HPSE2: variants seen among roughly 807,000 people sequenced by gnomAD.
HPSE2 encodes the protein heparanase 2 (inactive).
Under a neutral mutation model 60.5 loss-of-function variants are expected in HPSE2, and 38 were observed. The ratio of observed to expected loss-of-function variants is 0.63; its 90% confidence interval spans 0.48 to 0.82. HPSE2 has a LOEUF of 0.82. Among genes scored for constraint, HPSE2 ranks in the 40% least tolerant of loss-of-function variants. The pLI, the probability that HPSE2 is intolerant of heterozygous loss-of-function variation, is 0.00. For synonymous variants in HPSE2, 295 were observed against 293.2 expected, an observed-to-expected ratio of 1.01 and a Z score of -0.06; for missense variants, 713 against 740.4, an observed-to-expected ratio of 0.96 and a Z score of 0.43.
chr10:98,744,076 G>A lies in HPSE2; in HGVS notation c.611-20C>T. On this transcript the variant is annotated intron_variant, in intron 3 of 11. Coordinates refer to ENST00000370552, the MANE Select transcript of HPSE2 (RefSeq NM_021828.5). Reference sequence around the variant, plus strand: ...ACCTGGCTGGGAAGAAGCAGAGAAAGGCTTGTAACTTTCAAATCAACATTC... The same window carrying A: ...ACCTGGCTGGGAAGAAGCAGAGAAAAGCTTGTAACTTTCAAATCAACATTC... The A allele has an allele frequency of 6.2e-7, 1 of 1,611,130 alleles. No homozygotes were observed. Among genetic ancestry groups the A allele is most frequent in the Non-Finnish European group, 8.5e-7 (1 of 1,178,158 alleles).
rs530223758 is a variant in HPSE2, at chr10:98,682,131, A to T, written c.1004+11769T>A. On this transcript the variant is annotated intron_variant, in intron 6 of 11. Coordinates refer to ENST00000370552, the MANE Select transcript of HPSE2 (RefSeq NM_021828.5). Reference sequence around the variant, plus strand: ...GCGGATTTCTCATGAATGGTTTAGCACCATCTCCTTGGTGCTATCCTTGTG... The same window carrying T: ...GCGGATTTCTCATGAATGGTTTAGCTCCATCTCCTTGGTGCTATCCTTGTG... 5.3e-5 allele frequency among the ~76,000 whole-genome samples: 8 copies of T among 152,238 alleles called. No individual in the cohort carries two copies. The East Asian group carries it at 1.5e-3, about 29-fold the overall frequency.
chr10:98,835,470 T>A (rs1016142877), intron 3 of HPSE2, among the ~76,000 whole-genome samples: 7 of 152,166 alleles, frequency 4.6e-5, no homozygotes, highest in Admixed American at 1.3e-4. Context: ...CTGTCATGGT[T>A]ACTTTGGAGG....
At chr10:98,539,764 C>A (rs926464356) in intron 9 of HPSE2, among the ~76,000 whole-genome samples, 1 of 152,234 alleles carries the variant, frequency 6.6e-6, no homozygotes, top group Middle Eastern at 3.4e-3. Flanking sequence ...TTCTCACACC[C>A]CTCTGCCTCT....
chr10:98,576,603 C>T (rs895047824), intron 9 of HPSE2, among the ~76,000 whole-genome samples: 6 of 152,036 alleles, frequency 3.9e-5, no homozygotes, highest in Admixed American at 6.6e-5. Context: ...GGCACCTCCA[C>T]ATCTCTCACT....
chr10:98,991,955 C>G (rs1296050007), intron 3 of HPSE2, among the ~76,000 whole-genome samples: 2 of 152,160 alleles, frequency 1.3e-5, no homozygotes, highest in Non-Finnish European at 2.9e-5. Flanking sequence ...TTTCAATCAC[C>G]ATTTTCATTT....
At chr10:98,537,972 T>C (rs1372426336) in intron 9 of HPSE2, among the ~76,000 whole-genome samples, 1 of 152,242 alleles carries the variant, frequency 6.6e-6, no homozygotes, top group Non-Finnish European at 1.5e-5. Flanking sequence ...TTCTTATAAG[T>C]GCAGAGAAGA....
At chr10:98,955,536 G>A (rs1955486098) in intron 3 of HPSE2, among the ~76,000 whole-genome samples, 1 of 152,072 alleles carries the variant, frequency 6.6e-6, no homozygotes, top group South Asian at 2.1e-4. Flanking sequence ...CAACCATTGT[G>A]GAAGACAGTG....
intron 3 of HPSE2, among the ~76,000 whole-genome samples, chr10:99,131,512 C>T (rs1390428742): frequency 2.6e-5 from 4 of 151,786 alleles, no homozygotes; most frequent in Non-Finnish European, 5.9e-5. Context: ...TATGTATATA[C>T]ACATATACAG....
chr10:98,973,645 C>T lies in HPSE2; in HGVS notation c.610+170593G>A, dbSNP rs111577450. Among the ~76,000 whole-genome samples, 265 of 152,270 alleles carry T rather than the reference C, an allele frequency of 1.7e-3. 1 individual carries two copies. Among genetic ancestry groups the T allele is most frequent in the African/African-American group, 6.3e-3 (261 of 41,566 alleles). On this transcript the variant is annotated intron_variant, in intron 3 of 11. Transcript: ENST00000370552. ...AAATATATTGTCTTGATGATCACAT[C>T]TTAGTTATAACAAAAGGTAAATCTT...
intron 3 of HPSE2, among the ~76,000 whole-genome samples, chr10:99,121,212 G>A (rs1204412253): frequency 2.6e-5 from 4 of 152,164 alleles, no homozygotes; most frequent in Middle Eastern, 3.2e-3. Context: ...AATACTGCAT[G>A]CTCTCACTTA....
At chr10:98,987,816 G>C (rs1467603582) in intron 3 of HPSE2, among the ~76,000 whole-genome samples, 1 of 152,046 alleles carries the variant, frequency 6.6e-6, no homozygotes, top group Non-Finnish European at 1.5e-5. Context: ...CAAAATCAAT[G>C]TGCAAAAATC....
At chr10:99,129,951 C>T (rs970099173) in intron 3 of HPSE2, among the ~76,000 whole-genome samples, 3 of 152,016 alleles carry the variant, frequency 2.0e-5, no homozygotes, top group East Asian at 1.9e-4. Context: ...GGAGATATTA[C>T]AGCCAATACC....
At chr10:98,487,531 C>A (rs1011110172) in intron 10 of HPSE2, among the ~76,000 whole-genome samples, 3 of 152,210 alleles carry the variant, frequency 2.0e-5, no homozygotes, top group African/African-American at 7.2e-5. Flanking sequence ...AGATGTGATA[C>A]CGTAGAACCT....
intron 9 of HPSE2, among the ~76,000 whole-genome samples, chr10:98,490,467 T>C (rs190160588): frequency 1.1e-3 from 169 of 152,320 alleles, no homozygotes; most frequent in African/African-American, 3.8e-3. Flanking sequence ...CACAGCAGCA[T>C]ATGAACAAAT....
At chr10:98,978,932 C>A (rs1341508314) in intron 3 of HPSE2, among the ~76,000 whole-genome samples, 1 of 152,180 alleles carries the variant, frequency 6.6e-6, no homozygotes, top group Non-Finnish European at 1.5e-5. Context: ...TGCATGTTCC[C>A]AACTGAGGTC....
intron 4 of HPSE2, among the ~76,000 whole-genome samples, chr10:98,736,998 G>A (rs943758374): frequency 6.6e-6 from 1 of 152,202 alleles, no homozygotes; most frequent in African/African-American, 2.4e-5. Context: ...GGTTGAAGGA[G>A]AGAAGCAGAC....
At chr10:99,073,203 T>C (rs1324293524) in intron 3 of HPSE2, among the ~76,000 whole-genome samples, 1 of 152,096 alleles carries the variant, frequency 6.6e-6, no homozygotes, top group Non-Finnish European at 1.5e-5. Context: ...CTATTCACAA[T>C]AGTAAAGACA....
At chr10:98,987,948 C>G (rs375114628) in intron 3 of HPSE2, among the ~76,000 whole-genome samples, 85 of 152,156 alleles carry the variant, frequency 5.6e-4, no homozygotes, top group African/African-American at 1.7e-3. Flanking sequence ...GGATGTGAAG[C>G]ACCTCTTCAA....
At chr10:99,018,236 G>A (rs1957184986) in intron 3 of HPSE2, among the ~76,000 whole-genome samples, 1 of 152,172 alleles carries the variant, frequency 6.6e-6, no homozygotes, top group South Asian at 2.1e-4. Flanking sequence ...AAGGGGTTTT[G>A]ACCACATGAT....
Sources: gnomAD v4.1 joint callset for allele counts (sites outside exome capture counted in the v4.1 genomes callset) on GRCh38, gnomAD v4.1.1 for gene constraint, MANE v1.5 for transcripts, NCBI Gene and HGNC (gene_info 2026-07-23, HGNC 2026-07-21) for gene names.